The following SPATA6L variants were observed in gnomAD, a reference collection of about 807,000 sequenced individuals.
The protein encoded by SPATA6L is spermatogenesis associated 6-like protein.
Under a neutral mutation model 49.2 loss-of-function variants are expected in SPATA6L, and 68 were observed. The ratio of observed to expected loss-of-function variants is 1.38; its 90% CI spans 1.14 to 1.69. The LOEUF (loss-of-function observed/expected upper bound fraction) is 1.69, where lower values mean the gene tolerates loss of function less well. SPATA6L is among the 40% of genes most tolerant of loss of function. The pLI is 0.00. For missense variants in SPATA6L, 668 were observed against 464.3 expected (o/e 1.44, Z -4.03); for synonymous variants, 198 against 165.7 (o/e 1.19, Z -1.50).
In SPATA6L at chr9:4,625,531, T is replaced by C. The variant is rs1315838604; in HGVS notation, c.465A>G (p.Thr155=). ...TTAAGGGAAATATTGGTTCATGTGA[T>C]GTAGATAAAGGCCTCCGTGACTCAT... ...ERHESRRPLS[T]SHEPIFPLNT... is the part of the protein sequence containing the mutation. Residue 155 remains threonine, a synonymous_variant, in exon 6 of 12, where the codon ACA becomes ACG. Coordinates refer to ENST00000682582, the MANE Select transcript of SPATA6L (RefSeq NM_001353486.2). The C allele has an allele frequency of 1.7e-5, 27 of 1,611,006 alleles. No homozygotes were observed. Among genetic ancestry groups the C allele is most frequent in the Non-Finnish European group, 2.1e-5 (25 of 1,178,602 alleles).
At chr9:4,665,575 A>G (rs1472657881) in intron 1 of SPATA6L, among the ~76,000 whole-genome samples, 1 of 152,238 alleles carries the variant, frequency 6.6e-6, no homozygotes, top group Non-Finnish European at 1.5e-5. Context: ...CTAGAGGAAA[A>G]GCGGCATGAT....
At chr9:4,660,213 C>T (rs992609319) in intron 2 of SPATA6L, among the ~76,000 whole-genome samples, 39 of 152,182 alleles carry the variant, frequency 2.6e-4, no homozygotes, top group African/African-American at 8.9e-4. Flanking sequence ...TTCTGCACAG[C>T]AAAAGAAACT....
At chr9:4,616,488 G>C (rs1342716561) in intron 9 of SPATA6L, among the ~76,000 whole-genome samples, 2 of 152,176 alleles carry the variant, frequency 1.3e-5, no homozygotes, top group Non-Finnish European at 2.9e-5. Flanking sequence ...ATTCCAGGCT[G>C]GTGGCAAAAG....
intron 1 of SPATA6L, chr9:4,664,735 CG>C (rs1840604687): frequency 6.0e-6 from 1 of 167,036 alleles, no homozygotes; most frequent in Non-Finnish European, 1.5e-5. Context: ...TACGGAGGTT[CG>C]GAACCTGGAG....
Position 4,662,477 on chromosome 9 carries a change from C to G in SPATA6L, c.40-441G>C, listed in dbSNP as rs369535277. On this transcript the variant is annotated intron_variant, in intron 1 of 11. Coordinates refer to ENST00000682582, the MANE Select transcript of SPATA6L (RefSeq NM_001353486.2). This position sits in a 1 kb window ranked among gnomAD's most constrained non-coding sequence, Gnocchi z 4.9. ...GCCCAGCCCATGGCGGCGGTGGCGG[C>G]GGCAGCAGGTTTGAGTTCCAGTCCC... 2.6e-6 allele frequency: 4 copies of G among 1,550,092 alleles called. No homozygotes were observed. In the East Asian group the frequency reaches 7.2e-5, roughly 28 times the overall value.
At chr9:4,609,809 G>T (rs960191865) in intron 9 of SPATA6L, among the ~76,000 whole-genome samples, 4 of 151,354 alleles carry the variant, frequency 2.6e-5, no homozygotes, top group Non-Finnish European at 5.9e-5. Flanking sequence ...AATTAGGCAG[G>T]AGAAGGAAAT....
downstream of SPATA6L, among the ~76,000 whole-genome samples, chr9:4,594,269 G>A (rs192771070): frequency 5.0e-3 from 754 of 152,290 alleles, 3 homozygotes; most frequent in Non-Finnish European, 7.7e-3. Context: ...GAGTGCAGTG[G>A]CGCGAACTCA....
rs1832661780 is a variant in SPATA6L at position 4,635,671 on chromosome 9, C to T, written c.227-272G>A. 2.0e-5 allele frequency among the ~76,000 whole-genome samples: 3 copies of T among 152,108 alleles called. No homozygotes were observed. The South Asian group carries it at 6.2e-4, about 31-fold the overall frequency. On this transcript the variant is annotated intron_variant, in intron 3 of 11. Transcript: ENST00000682582. ...AGGAAAAACTATCTTTCCATATATC[C>T]ATCCAATTTTTCCTGCAACAAATTT... is the stretch of plus-strand genomic sequence containing the variant.
chr9:4,592,280 A>C (rs1270906657), intron 13 of SPATA6L, among the ~76,000 whole-genome samples: 1 of 144,970 alleles, frequency 6.9e-6, no homozygotes. Context: ...ACGCCACTGC[A>C]CTCCAGCCTG....
intron 2 of SPATA6L, among the ~76,000 whole-genome samples, chr9:4,661,477 A>G (rs1159745030): frequency 6.6e-6 from 1 of 151,878 alleles, no homozygotes; most frequent in Non-Finnish European, 1.5e-5. Context: ...TTGTTACAGG[A>G]TTTTAGTTAC....
intron 9 of SPATA6L, among the ~76,000 whole-genome samples, chr9:4,616,277 G>GA (rs71497541): frequency 3.3e-5 from 5 of 151,228 alleles, no homozygotes. Flanking sequence ...ACCCCATCTC[G>GA]AAAAAAAATA....
chr9:4,666,134 G>A lies in SPATA6L; in HGVS notation c.39+78C>T, dbSNP rs1038569047. On this transcript the variant is annotated intron_variant, in intron 1 of 11. Coordinates refer to ENST00000682582, the MANE Select transcript of SPATA6L (RefSeq NM_001353486.2). Reference sequence around the variant, plus strand: ...GTTTGTGGTAAGTGGGGGATGTGGGGGAGGGTTGTTGAAAACCACCTGAGA... The same window carrying A: ...GTTTGTGGTAAGTGGGGGATGTGGGAGAGGGTTGTTGAAAACCACCTGAGA... The A allele has an allele frequency of 1.3e-5, 17 of 1,294,834 alleles. No individual in the cohort carries two copies. In the East Asian group the frequency reaches 3.5e-4, roughly 26 times the overall value. 80.2% of individuals were successfully genotyped at this position (1,294,834 alleles called of 1,614,324 possible). A position where few individuals can be genotyped will look rare whatever the true frequency, so the allele number is the denominator to read the frequency against.
intron 3 of SPATA6L, among the ~76,000 whole-genome samples, chr9:4,647,487 G>C (rs1428690328): frequency 6.6e-6 from 1 of 152,152 alleles, no homozygotes; most frequent in East Asian, 1.9e-4. Flanking sequence ...AGCTACTCGG[G>C]AGGCTGAGGC....
intron 9 of SPATA6L, among the ~76,000 whole-genome samples, chr9:4,615,501 G>A (rs1827770933): frequency 6.6e-6 from 1 of 152,172 alleles, no homozygotes. Context: ...AGAATTGCTG[G>A]CCTGCTGCAT....
chr9:4,655,905 AT>A (rs1354518390), intron 3 of SPATA6L, 135 bp downstream of exon 3: 2 of 749,800 alleles, frequency 2.7e-6, no homozygotes, highest in Non-Finnish European at 4.2e-6. Flanking sequence ...TGTGATTCAA[AT>A]TTTACGTAGG....
chr9:4,620,628 G>C (rs1386565535), intron 7 of SPATA6L, among the ~76,000 whole-genome samples: 1 of 152,210 alleles, frequency 6.6e-6, no homozygotes, highest in Non-Finnish European at 1.5e-5. Context: ...GGGATTCCAA[G>C]GATCTGAGCC....
Position 4,662,986 on chromosome 9 carries a change from C to G in SPATA6L, c.40-950G>C. ...CAGATGGACATGTTTGTCACTCTCT[C>G]GGTGGACAAGTACTCCTTCCCCTCG... On this transcript the variant is annotated intron_variant, in intron 1 of 11. Transcript: ENST00000682582. The surrounding 1 kb of genome is among the most constrained non-coding windows in gnomAD (Gnocchi z 4.9). 1 of 1,612,994 alleles carries G rather than the reference C, an allele frequency of 6.2e-7. No individual in the cohort carries two copies. The highest frequency in any genetic ancestry group is 8.5e-7 in the Non-Finnish European group (1 of 1,179,898).
At chr9:4,635,905 G>C (rs12335382) in intron 3 of SPATA6L, among the ~76,000 whole-genome samples, 1,529 of 152,338 alleles carry the variant, frequency 0.01, 27 homozygotes, top group African/African-American at 0.034. Flanking sequence ...AAATATTTCA[G>C]GGGCAGTAGC....
chr9:4,665,798 T>G (rs1840773535), intron 1 of SPATA6L, among the ~76,000 whole-genome samples: 1 of 152,202 alleles, frequency 6.6e-6, no homozygotes, highest in Admixed American at 6.5e-5. Flanking sequence ...AATATCTGAT[T>G]GGTTCATAGA....
Sources: allele counts gnomAD v4.1 joint callset (sites outside exome capture counted in the v4.1 genomes callset), GRCh38; gene constraint gnomAD v4.1.1; non-coding constraint Gnocchi (gnomAD v3.1); transcripts MANE v1.5; gene names NCBI Gene and HGNC (gene_info 2026-07-23, HGNC 2026-07-21).